The following TRAF3 variants were observed in gnomAD, a reference collection of about 807,000 sequenced individuals.
TRAF3 encodes TNF receptor associated factor 3.
Under a neutral mutation model 62.3 loss-of-function variants are expected in TRAF3, and 13 were observed. The observed-to-expected ratio is 0.21, with a 90% CI of 0.14 to 0.33. The LOEUF (loss-of-function observed/expected upper bound fraction) is 0.33, where lower values mean the gene tolerates loss of function less well. Among genes scored for constraint, TRAF3 ranks in the 10% least tolerant of loss-of-function variants. The pLI, the probability that TRAF3 is intolerant of heterozygous loss-of-function variation, is 1.00. For synonymous variants in TRAF3, 269 were observed against 283.4 expected (o/e 0.95, Z 0.51); for missense variants, 440 against 741.8 (o/e 0.59, Z 4.73).
chr14:102,792,140 T>TTTTCA (rs140558715), intron 1 of TRAF3, among the ~76,000 whole-genome samples: 1 of 140,302 alleles, frequency 7.1e-6, no homozygotes, highest in Admixed American at 7.1e-5. Flanking sequence ...TTTTTTTTTT[T>TTTTCA]ATCAGACCAG....
At chr14:102,802,597 G>A (rs1898510272) in intron 1 of TRAF3, among the ~76,000 whole-genome samples, 1 of 151,694 alleles carries the variant, frequency 6.6e-6, no homozygotes, top group Non-Finnish European at 1.5e-5. Context: ...GGGAGGTCGA[G>A]GTGGGAGGAT....
chr14:102,817,625 A>G (rs965578185), intron 1 of TRAF3, among the ~76,000 whole-genome samples: 6 of 152,174 alleles, frequency 3.9e-5, no homozygotes, highest in African/African-American at 1.4e-4. Context: ...AGCTGAGAGT[A>G]AGGGTGACAA....
intron 1 of TRAF3, among the ~76,000 whole-genome samples, chr14:102,785,948 C>G (rs929074719): frequency 6.6e-6 from 1 of 152,102 alleles, no homozygotes; most frequent in Non-Finnish European, 1.5e-5. Context: ...GAGAGCCTTC[C>G]CTGCCTTCTC....
intron 1 of TRAF3, among the ~76,000 whole-genome samples, chr14:102,790,400 A>G (rs560223462): frequency 2.6e-5 from 4 of 152,168 alleles, no homozygotes; most frequent in Non-Finnish European, 5.9e-5. Flanking sequence ...GTACCACACT[A>G]TATTAGTCTG....
intron 6 of TRAF3, among the ~76,000 whole-genome samples, chr14:102,884,233 C>T (rs1424276027): frequency 6.6e-6 from 1 of 152,224 alleles, no homozygotes; most frequent in Non-Finnish European, 1.5e-5. Context: ...AACCTCTGCC[C>T]TCCATGTTCA....
chr14:102,865,569 G>A (rs1315081589), intron 2 of TRAF3, among the ~76,000 whole-genome samples: 6 of 148,908 alleles, frequency 4.0e-5, no homozygotes, highest in South Asian at 2.1e-4. Flanking sequence ...GCACGATCTC[G>A]GGTCACTGAA....
rs569122646 is a variant in TRAF3, at chr14:102,893,345, G to A, written c.819+1928G>A. Among the ~76,000 whole-genome samples, 14 of 150,376 alleles carry A rather than the reference G, an allele frequency of 9.3e-5. No individual in the cohort carries two copies. The South Asian group carries it at 1.5e-3, about 16-fold the overall frequency. On this transcript the variant is annotated intron_variant, in intron 9 of 11. Transcript: ENST00000392745. ...GTGGAGTTTGCAGTGAGCCAAGATC[G>A]CGCCACTGCACTCCAGCCTGGGCGA...
chr14:102,911,389 T>C lies in TRAF3; in HGVS notation c.*5605T>C, dbSNP rs1475092218. On this transcript the variant is annotated 3_prime_UTR_variant, in exon 12 of 12. Transcript: ENST00000392745. ...TTATTTGTGTTTTGAGGTCTTGCAA[T>C]GTTTTTGTGTTTCTGATGCTAATAA... 6.6e-6 allele frequency: 1 copy of C among 152,264 alleles called. No homozygotes were observed. Among genetic ancestry groups the C allele is most frequent in the Non-Finnish European group, 1.5e-5 (1 of 68,050 alleles). The allele number at this position is 152,264 out of a possible 1,614,324, so 9.4% of individuals were successfully genotyped here. A position where few individuals can be genotyped will look rare whatever the true frequency, so the allele number is the denominator to read the frequency against.
chr14:102,853,242 C>T (rs1228815607), intron 2 of TRAF3, among the ~76,000 whole-genome samples: 4 of 151,774 alleles, frequency 2.6e-5, no homozygotes, highest in African/African-American at 7.3e-5. Flanking sequence ...GCTGTGTTGC[C>T]AAGGCTGATC....
rs144086328 is a variant in TRAF3, at chr14:102,801,123, G to A, written c.-157+23448G>A. Among the ~76,000 whole-genome samples the A allele has an allele frequency of 3.7e-3, 570 of 152,318 alleles. 3 individuals carry two copies. Among genetic ancestry groups the A allele is most frequent in the African/African-American group, 0.013 (523 of 41,570 alleles). On this transcript the variant is annotated intron_variant, in intron 1 of 11. Coordinates refer to ENST00000392745, the MANE Select transcript of TRAF3 (RefSeq NM_145725.3). ...GGAGCTTGCAGTGAGCGGAGATCGCGCCACGGCACTCCCGCCTGGGCGACA... is the reference window on the plus strand; with the variant it reads ...GGAGCTTGCAGTGAGCGGAGATCGCACCACGGCACTCCCGCCTGGGCGACA...
In TRAF3 at chr14:102,906,134, A is replaced by AACAC. The variant is rs142806500; in HGVS notation, c.*365_*368dup. ...CTTCCTTAAACTTGAACACCAAAAA[A>AACAC]ACACACACACACACACACGTGGGGA... On this transcript the variant is annotated 3_prime_UTR_variant, in exon 12 of 12. Coordinates refer to ENST00000392745, the MANE Select transcript of TRAF3 (RefSeq NM_145725.3). The AACAC allele has an allele frequency of 2.6e-3, 562 of 214,322 alleles. 4 individuals are homozygous for AACAC. The highest frequency in any genetic ancestry group is 0.012 in the African/African-American group (542 of 43,622). 13.3% of individuals were successfully genotyped at this position (214,322 alleles called of 1,614,324 possible).
intron 9 of TRAF3, among the ~76,000 whole-genome samples, chr14:102,895,635 A>G (rs1889966667): frequency 6.7e-6 from 1 of 149,766 alleles, no homozygotes; most frequent in African/African-American, 2.4e-5. Flanking sequence ...ATGGATAGAC[A>G]GAGACACTCG....
At chr14:102,871,158 C>T (rs929551748) in intron 3 of TRAF3, among the ~76,000 whole-genome samples, 1 of 152,244 alleles carries the variant, frequency 6.6e-6, no homozygotes, top group Non-Finnish European at 1.5e-5. Flanking sequence ...CCTCCTCCCA[C>T]AGCACTCAAG....
chr14:102,905,839 C>T lies in TRAF3; in HGVS notation c.*55C>T. Reference sequence around the variant, plus strand: ...AGGCAACTCCTCTGGGGGATTTGAACCGGTCTGTCTTCACTGAGGTCCTCG... The same window carrying T: ...AGGCAACTCCTCTGGGGGATTTGAATCGGTCTGTCTTCACTGAGGTCCTCG... On this transcript the variant is annotated 3_prime_UTR_variant, in exon 12 of 12. Coordinates refer to ENST00000392745, the MANE Select transcript of TRAF3 (RefSeq NM_145725.3). 4.0e-6 allele frequency: 6 copies of T among 1,515,444 alleles called. No homozygotes were observed. Among genetic ancestry groups the T allele is most frequent in the South Asian group, 1.2e-5 (1 of 86,352 alleles). 93.9% of individuals were successfully genotyped at this position (1,515,444 alleles called of 1,614,324 possible).
At chr14:102,860,583 T>C (rs763940030) in intron 2 of TRAF3, among the ~76,000 whole-genome samples, 1 of 152,232 alleles carries the variant, frequency 6.6e-6, no homozygotes, top group Non-Finnish European at 1.5e-5. Context: ...TTTCCAAATG[T>C]AACCTCCCAG....
intron 1 of TRAF3, among the ~76,000 whole-genome samples, chr14:102,809,319 C>T (rs1480760421): frequency 2.0e-5 from 3 of 151,474 alleles, no homozygotes; most frequent in Admixed American, 6.6e-5. Context: ...TTAGTAGAGA[C>T]GGGGTTTCAC....
At chr14:102,804,001 C>A (rs1350791725) in intron 1 of TRAF3, among the ~76,000 whole-genome samples, 1 of 151,770 alleles carries the variant, frequency 6.6e-6, no homozygotes, top group African/African-American at 2.4e-5. Flanking sequence ...AGTTTGATAC[C>A]CTGTCTGAGA....
At chr14:102,859,899 A>G (rs1027695490) in intron 2 of TRAF3, among the ~76,000 whole-genome samples, 4 of 152,242 alleles carry the variant, frequency 2.6e-5, no homozygotes, top group Non-Finnish European at 5.9e-5. Flanking sequence ...ATAAGCAGGC[A>G]CAATTGGAAG....
rs1890802743 is a variant in TRAF3, at chr14:102,910,370, A to T, written c.*4586A>T. 6.6e-6 allele frequency: 1 copy of T among 152,268 alleles called. No individual in the cohort carries two copies. The highest frequency in any genetic ancestry group is 1.5e-5 in the Non-Finnish European group (1 of 68,070). 9.4% of individuals were successfully genotyped at this position (152,268 alleles called of 1,614,324 possible). The stretch of plus-strand genomic sequence containing the variant: ...GAGGTGAATGAGGGTCTGTCACCCA[A>T]ATCTACTTCTCAGCCCATGACCATA... On this transcript the variant is annotated 3_prime_UTR_variant, in exon 12 of 12. Transcript: ENST00000392745.
Sources: allele counts gnomAD v4.1 joint callset (sites outside exome capture counted in the v4.1 genomes callset), GRCh38; gene constraint gnomAD v4.1.1; transcripts MANE v1.5; gene names NCBI Gene and HGNC (gene_info 2026-07-23, HGNC 2026-07-21).